CSNK1G3: variants seen among roughly 807,000 people sequenced by gnomAD.
CSNK1G3 encodes casein kinase I isoform gamma-3.
Under a neutral mutation model 64.3 loss-of-function variants are expected in CSNK1G3, and 23 were observed. The observed-to-expected ratio is 0.36, with a 90% CI of 0.26 to 0.51. The LOEUF (loss-of-function observed/expected upper bound fraction) is 0.51, where lower values mean the gene tolerates loss of function less well. Ranked by LOEUF, CSNK1G3 falls within the 20% of genes least tolerant of loss-of-function variation. The pLI, the probability that CSNK1G3 is intolerant of heterozygous loss-of-function variation, is 0.96. For synonymous variants in CSNK1G3, 158 were observed against 162.2 expected (o/e 0.97, Z 0.20); for missense variants, 357 against 510.5 (o/e 0.70, Z 2.90).
At chr5:123,530,123 C>T (rs1022872439) in intron 1 of CSNK1G3, among the ~76,000 whole-genome samples, 1 of 151,900 alleles carries the variant, frequency 6.6e-6, no homozygotes, top group African/African-American at 2.4e-5. Context: ...TATTTCCTCC[C>T]CTTCCAACTA....
intron 6 of CSNK1G3, among the ~76,000 whole-genome samples, chr5:123,580,293 C>T (rs185800910): frequency 6.6e-6 from 1 of 152,052 alleles, no homozygotes; most frequent in East Asian, 1.9e-4. Context: ...GTCAAAGGAA[C>T]ATTATATGGG....
At chr5:123,592,223 G>T (rs1391531343) in intron 10 of CSNK1G3, among the ~76,000 whole-genome samples, 2 of 151,972 alleles carry the variant, frequency 1.3e-5, no homozygotes, top group Admixed American at 1.3e-4. Flanking sequence ...ATTTTGGGGA[G>T]AGTGAATAAT....
At chr5:123,607,234 G>A (rs986071669) in intron 12 of CSNK1G3, among the ~76,000 whole-genome samples, 8 of 152,056 alleles carry the variant, frequency 5.3e-5, no homozygotes, top group South Asian at 4.1e-4. Context: ...TTGCAGCTCC[G>A]TTTTCCATTC....
chr5:123,557,811 C>T (rs1047851252), intron 4 of CSNK1G3, among the ~76,000 whole-genome samples: 2 of 152,150 alleles, frequency 1.3e-5, no homozygotes, highest in African/African-American at 4.8e-5. Context: ...AAAATGCATA[C>T]TTCTTCCATA....
At chr5:123,593,952 A>G (rs1375508389) in intron 10 of CSNK1G3, among the ~76,000 whole-genome samples, 2 of 152,086 alleles carry the variant, frequency 1.3e-5, no homozygotes, top group Admixed American at 6.6e-5. Context: ...GAAAGAAAAG[A>G]GTACTGAAGG....
chr5:123,574,754 C>T lies in CSNK1G3; in HGVS notation c.439-975C>T, dbSNP rs115956430. ...TTGAGGCAAGAGGATTGCTTGAGCC[C>T]GGAGGTTAAAGGTTGAAGCTGCAAT... On this transcript the variant is annotated intron_variant, in intron 5 of 12. Transcript: ENST00000345990. Among the ~76,000 whole-genome samples the T allele has an allele frequency of 5.2e-4, 79 of 152,142 alleles. 1 individual carries two copies. Among genetic ancestry groups the T allele is most frequent in the South Asian group, 1.9e-3 (9 of 4,814 alleles).
chr5:123,581,793 G>A (rs1790342750), intron 6 of CSNK1G3, among the ~76,000 whole-genome samples: 1 of 151,648 alleles, frequency 6.6e-6, no homozygotes, highest in South Asian at 2.1e-4. Context: ...TTTTAGGGTA[G>A]TGCCAACTAA....
At chr5:123,616,435 G>A (rs1413008007) in exon 13 of CSNK1G3, 1 of 152,540 alleles carries the variant, frequency 6.6e-6, no homozygotes, top group Non-Finnish European at 1.5e-5. Context: ...ATAAGAAGGT[G>A]TGTATATTAA....
At chr5:123,546,127 A>G (rs1782476703) in intron 2 of CSNK1G3, among the ~76,000 whole-genome samples, 1 of 152,178 alleles carries the variant, frequency 6.6e-6, no homozygotes, top group African/African-American at 2.4e-5. Context: ...CTGCCAGTAA[A>G]GCCTTTGCAA....
At chr5:123,557,446 GT>G in intron 3 of CSNK1G3, 48 bp from the exon 4 acceptor site, 1 of 1,397,298 alleles carries the variant, frequency 7.2e-7, no homozygotes, top group Non-Finnish European at 1.0e-6. Context: ...TTGGGACCTA[GT>G]GCTCTTTTAA....
At chr5:123,583,481 C>A (rs1198704831) in intron 6 of CSNK1G3, among the ~76,000 whole-genome samples, 2 of 152,202 alleles carry the variant, frequency 1.3e-5, no homozygotes, top group Non-Finnish European at 2.9e-5. Flanking sequence ...CTGCCTCAGC[C>A]TCCCGAGTAG....
intron 6 of CSNK1G3, among the ~76,000 whole-genome samples, chr5:123,576,980 A>G (rs1354266115): frequency 6.6e-6 from 1 of 152,064 alleles, no homozygotes; most frequent in Non-Finnish European, 1.5e-5. Context: ...TTATTGACTT[A>G]TGTCTATATG....
chr5:123,580,778 A>G (rs1020443979), intron 6 of CSNK1G3, among the ~76,000 whole-genome samples: 40 of 151,904 alleles, frequency 2.6e-4, no homozygotes, highest in Non-Finnish European at 4.0e-4. Context: ...AATAATGTCT[A>G]TTTCTCTTTG....
chr5:123,553,279 A>ATGC, intron 3 of CSNK1G3, 132 bp downstream of exon 3: 1 of 431,232 alleles, frequency 2.3e-6, no homozygotes, highest in Non-Finnish European at 4.1e-6. Flanking sequence ...ATGCATAGCT[A>ATGC]ATCTTTGTTG....
chr5:123,602,495 T>C (rs1794673485), intron 10 of CSNK1G3, among the ~76,000 whole-genome samples: 1 of 152,160 alleles, frequency 6.6e-6, no homozygotes, highest in African/African-American at 2.4e-5. Context: ...TACTTTTAAG[T>C]CTAATAGTCA....
At chr5:123,528,776 C>T (rs1363174730) in intron 1 of CSNK1G3, among the ~76,000 whole-genome samples, 2 of 152,120 alleles carry the variant, frequency 1.3e-5, no homozygotes, top group South Asian at 2.1e-4. Flanking sequence ...GAAAATCCCC[C>T]TCACCAATTA....
Position 123,581,885 on chromosome 5 carries a change from T to C in CSNK1G3, c.673+5922T>C, listed in dbSNP as rs190346984. On this transcript the variant is annotated intron_variant, in intron 6 of 12. Transcript: ENST00000345990. ...ATAATTTTTATCTTTTTTTTACTTA[T>C]AAGAAATGATTTAAACTTTATTCAG... is the stretch of plus-strand genomic sequence containing the variant. Among the ~76,000 whole-genome samples, 35 of 152,126 alleles carry C rather than the reference T, an allele frequency of 2.3e-4. No homozygotes were observed. The South Asian group carries it at 5.6e-3, about 24-fold the overall frequency.
intron 5 of CSNK1G3, among the ~76,000 whole-genome samples, chr5:123,575,215 A>G (rs1788935663): frequency 6.6e-6 from 1 of 152,196 alleles, no homozygotes; most frequent in Non-Finnish European, 1.5e-5. Flanking sequence ...TTAAATGTTT[A>G]ATACCTAGGA....
chr5:123,615,006 T>A (rs918406573), exon 13 of CSNK1G3: 1 of 152,610 alleles, frequency 6.6e-6, no homozygotes, highest in South Asian at 2.1e-4. Context: ...AAAAGCAATA[T>A]GGGTTCGGCA....
Sources: gnomAD v4.1 joint callset for allele counts (sites outside exome capture counted in the v4.1 genomes callset) on GRCh38, gnomAD v4.1.1 for gene constraint, MANE v1.5 for transcripts, NCBI Gene and HGNC (gene_info 2026-07-23, HGNC 2026-07-21) for gene names.